Variants in WDR25 observed in about 807,000 individuals in gnomAD.
WDR25 encodes the protein WD repeat-containing protein 25.
WDR25 carries 35 observed loss-of-function variants against 47.7 expected under a neutral mutation model. That is an observed-to-expected ratio of 0.73 (90% confidence interval 0.56 to 0.97). WDR25 has a LOEUF of 0.97. WDR25 is among the 50% of genes least tolerant of loss of function. The pLI is 0.00. For missense variants in WDR25, 634 were observed against 704.7 expected (o/e 0.90, Z 1.14); for synonymous variants, 248 against 278.9 (o/e 0.89, Z 1.10).
At position 100,407,305 on chromosome 14, in the gene WDR25, CCT is replaced by C. The variant is rs1338433209; in HGVS notation, c.822+25560_822+25561del. On this transcript the variant is annotated intron_variant, in intron 2 of 6. Coordinates refer to ENST00000402312, the MANE Select transcript of WDR25 (RefSeq NM_001161476.3). This position sits in a 1 kb window ranked among gnomAD's most constrained non-coding sequence, Gnocchi z 4.1. The stretch of plus-strand genomic sequence containing the variant: ...GTCCTCCTTTGACATTAATAACCCC[CCT>C]GTTTACTCTCAGGCTCACATACCTC... 6.6e-6 allele frequency: 1 copy of C among 152,190 alleles called. No individual in the cohort carries two copies. The highest frequency in any genetic ancestry group is 1.5e-5 in the Non-Finnish European group (1 of 68,030). 9.4% of individuals were successfully genotyped at this position (152,190 alleles called of 1,614,324 possible).
intron 2 of WDR25, among the ~76,000 whole-genome samples, chr14:100,442,160 G>A (rs185904735): frequency 3.3e-5 from 5 of 152,320 alleles, no homozygotes; most frequent in African/African-American, 1.2e-4. Context: ...GGTCTTACAG[G>A]GAGAGTGTGC....
chr14:100,469,853 G>A (rs1195043758), intron 3 of WDR25, among the ~76,000 whole-genome samples: 5 of 152,214 alleles, frequency 3.3e-5, no homozygotes, highest in East Asian at 1.9e-4. Flanking sequence ...CAGGATGCAC[G>A]CAGGTCTGCT....
intron 4 of WDR25, among the ~76,000 whole-genome samples, chr14:100,485,005 C>T (rs953664855): frequency 2.6e-5 from 4 of 152,212 alleles, no homozygotes; most frequent in African/African-American, 9.6e-5. Flanking sequence ...TGATGATCCA[C>T]AAGGCCTAAA....
chr14:100,523,927 CT>C lies in WDR25; in HGVS notation c.1102-1942del, dbSNP rs2140388539. Among the ~76,000 whole-genome samples, 1 of 152,256 alleles carries C rather than the reference CT, an allele frequency of 6.6e-6. No homozygotes were observed. The highest frequency in any genetic ancestry group is 6.5e-5 in the Admixed American group (1 of 15,300). On this transcript the variant is annotated intron_variant, in intron 4 of 6. Transcript: ENST00000402312. This position sits in a 1 kb window ranked among gnomAD's most constrained non-coding sequence, Gnocchi z 4.7. ...ACCCACCAGCTAGACACACAAATGG[CT>C]CCTTTGCTCTTTCCTGGGGCATGAG... is the stretch of plus-strand genomic sequence containing the variant.
At chr14:100,390,677 T>G (rs887841366) in intron 2 of WDR25, among the ~76,000 whole-genome samples, 14 of 152,200 alleles carry the variant, frequency 9.2e-5, no homozygotes, top group Admixed American at 3.9e-4. Context: ...GACTGCACTC[T>G]CCATCCTGTC....
rs1269695537 is a variant in WDR25 at position 100,502,079 on chromosome 14, C to T, written c.1101+17955C>T. Among the ~76,000 whole-genome samples, 1 of 152,198 alleles carries T rather than the reference C, an allele frequency of 6.6e-6. No individual in the cohort carries two copies. Among genetic ancestry groups the T allele is most frequent in the Non-Finnish European group, 1.5e-5 (1 of 68,026 alleles). On this transcript the variant is annotated intron_variant, in intron 4 of 6. Transcript: ENST00000402312. This position sits in a 1 kb window ranked among gnomAD's most constrained non-coding sequence, Gnocchi z 4.5. ...ACCTGTCCCCAGACAGCTCTTTGGG[C>T]TGTTTGATGGGGCTCACACCTAGGA... is the stretch of plus-strand genomic sequence containing the variant.
At position 100,394,844 on chromosome 14, in the gene WDR25, G is replaced by T. The variant is rs1897221519; in HGVS notation, c.822+13098G>T. Among the ~76,000 whole-genome samples, 4 of 152,308 alleles carry T rather than the reference G, an allele frequency of 2.6e-5. No individual in the cohort carries two copies. The South Asian group carries it at 8.3e-4, about 32-fold the overall frequency. ...CACAAAAAATTAAAAAATTGGCTGG[G>T]TGTGGTGGCACATGCCTGTAGTCCC... On this transcript the variant is annotated intron_variant, in intron 2 of 6. Transcript: ENST00000402312.
At chr14:100,434,200 A>G (rs1460724969) in intron 2 of WDR25, among the ~76,000 whole-genome samples, 1 of 152,166 alleles carries the variant, frequency 6.6e-6, no homozygotes, top group African/African-American at 2.4e-5. Flanking sequence ...ATGTCTGCCT[A>G]TACATGCACA....
intron 2 of WDR25, among the ~76,000 whole-genome samples, chr14:100,401,038 ACAT>A (rs1316229803): frequency 1.3e-5 from 2 of 152,260 alleles, no homozygotes; most frequent in African/African-American, 4.8e-5. Flanking sequence ...AATGAATAAA[ACAT>A]CAGTGAGTGA....
chr14:100,516,677 G>A (rs752486764), intron 4 of WDR25, among the ~76,000 whole-genome samples: 2 of 151,958 alleles, frequency 1.3e-5, no homozygotes, highest in Non-Finnish European at 2.9e-5. Flanking sequence ...TATTAATATG[G>A]TCACTTCAGC....
intron 2 of WDR25, among the ~76,000 whole-genome samples, chr14:100,453,436 G>A (rs1348903671): frequency 2.0e-5 from 3 of 152,206 alleles, no homozygotes; most frequent in East Asian, 1.9e-4. Flanking sequence ...AGAGGATTGA[G>A]TTAATTCGGT....
intron 2 of WDR25, among the ~76,000 whole-genome samples, chr14:100,458,473 A>G (rs941513235): frequency 6.6e-6 from 1 of 152,206 alleles, no homozygotes; most frequent in Non-Finnish European, 1.5e-5. Flanking sequence ...GGAGATTTCA[A>G]CACCCCGCTC....
At chr14:100,481,943 C>A (rs1900218021) in intron 3 of WDR25, among the ~76,000 whole-genome samples, 1 of 152,110 alleles carries the variant, frequency 6.6e-6, no homozygotes, top group Non-Finnish European at 1.5e-5. Context: ...CAAATTTTGA[C>A]CTGGAAAGTC....
At chr14:100,389,141 C>A (rs900462745) in intron 2 of WDR25, among the ~76,000 whole-genome samples, 1 of 152,144 alleles carries the variant, frequency 6.6e-6, no homozygotes, top group Non-Finnish European at 1.5e-5. Context: ...TTTGTTTTAT[C>A]ATAAAAGTGG....
intron 4 of WDR25, among the ~76,000 whole-genome samples, chr14:100,494,808 G>C (rs924503133): frequency 1.3e-5 from 2 of 152,186 alleles, no homozygotes; most frequent in African/African-American, 4.8e-5. Flanking sequence ...CTTCCCCAAG[G>C]TCAGCTAGGC....
In WDR25 at chr14:100,425,127, A is replaced by G. The variant is rs1220309314; in HGVS notation, c.823-42894A>G. On this transcript the variant is annotated intron_variant, in intron 2 of 6. Transcript: ENST00000402312. This position sits in a 1 kb window ranked among gnomAD's most constrained non-coding sequence, Gnocchi z 4.8. ...CCAGGCAGCCAGGATTTTTCTAAAA[A>G]CTGTGCACCTGGGTGTGTCCCTTGC... 1.3e-5 allele frequency among the ~76,000 whole-genome samples: 2 copies of G among 152,184 alleles called. No homozygotes were observed. The highest frequency in any genetic ancestry group is 4.8e-5 in the African/African-American group (2 of 41,456).
intron 2 of WDR25, among the ~76,000 whole-genome samples, chr14:100,448,416 A>G (rs1898910718): frequency 6.6e-6 from 1 of 152,036 alleles, no homozygotes; most frequent in Admixed American, 6.5e-5. Flanking sequence ...CCCGTTGCCC[A>G]GGGTGGTGAC....
In WDR25 at chr14:100,392,704, G is replaced by A. The variant is rs1449272606; in HGVS notation, c.822+10958G>A. Among the ~76,000 whole-genome samples, 2 of 152,108 alleles carry A rather than the reference G, an allele frequency of 1.3e-5. No homozygotes were observed. Among genetic ancestry groups the A allele is most frequent in the African/African-American group, 4.8e-5 (2 of 41,422 alleles). On this transcript the variant is annotated intron_variant, in intron 2 of 6. Transcript: ENST00000402312. The surrounding 1 kb of genome is among the most constrained non-coding windows in gnomAD (Gnocchi z 4.2). ...GCCGCCTCTGCGTCTTTGGAGGGCC[G>A]TCAATTTTCACTGGTTCCATGACGC...
chr14:100,437,366 G>A lies in WDR25; in HGVS notation c.823-30655G>A, dbSNP rs186498102. Among the ~76,000 whole-genome samples, 141 of 152,286 alleles carry A rather than the reference G, an allele frequency of 9.3e-4. 1 individual carries two copies. The highest frequency in any genetic ancestry group is 2.9e-4 in the Non-Finnish European group (20 of 68,024). On this transcript the variant is annotated intron_variant, in intron 2 of 6. Coordinates refer to ENST00000402312, the MANE Select transcript of WDR25 (RefSeq NM_001161476.3). ...ATATCTGAGATTCCAGTCTGAGCCC[G>A]CTGAGTGTTGAGTCTCACTGTTTCA...
Sources: gnomAD v4.1 joint callset for allele counts (sites outside exome capture counted in the v4.1 genomes callset) on GRCh38, gnomAD v4.1.1 for gene constraint, Gnocchi (gnomAD v3.1) non-coding constraint, MANE v1.5 for transcripts, NCBI Gene and HGNC (gene_info 2026-07-23, HGNC 2026-07-21) for gene names.